The following CCDC60 variants were observed in gnomAD, a reference collection of about 807,000 sequenced individuals.
The protein encoded by CCDC60 is coiled-coil domain-containing protein 60.
CCDC60 carries 54 observed loss-of-function variants against 63.5 expected under a neutral mutation model. The observed-to-expected ratio is 0.85, with a 90% CI of 0.68 to 1.07. The LOEUF is 1.07. CCDC60 is among the 50% of genes least tolerant of loss of function. The probability of loss-of-function intolerance (pLI) is 0.00; values close to 1 mark genes in which losing one functional copy is unlikely to be tolerated. For synonymous variants in CCDC60, 206 were observed against 238.8 expected, an observed-to-expected ratio of 0.86 and a Z score of 1.27; for missense variants, 651 against 684.3, an observed-to-expected ratio of 0.95 and a Z score of 0.54.
intron 1 of CCDC60, among the ~76,000 whole-genome samples, chr12:119,426,072 A>G (rs540662485): frequency 6.6e-6 from 1 of 152,304 alleles, no homozygotes; most frequent in African/African-American, 2.4e-5. Context: ...TACATGCCTC[A>G]TCAGAGGGTG....
At chr12:119,400,961 A>C (rs1324148539) in intron 1 of CCDC60, among the ~76,000 whole-genome samples, 1 of 152,112 alleles carries the variant, frequency 6.6e-6, no homozygotes, top group Non-Finnish European at 1.5e-5. Context: ...TGGGCAATTC[A>C]CTCTGTGCAG....
intron 1 of CCDC60, among the ~76,000 whole-genome samples, chr12:119,371,508 A>G (rs1317088617): frequency 6.6e-6 from 1 of 152,194 alleles, no homozygotes; most frequent in Non-Finnish European, 1.5e-5. Flanking sequence ...AGAAAAAAAC[A>G]ACTACCCTTA....
chr12:119,344,440 C>T (rs566686333), intron 1 of CCDC60, among the ~76,000 whole-genome samples: 6 of 152,266 alleles, frequency 3.9e-5, no homozygotes, highest in African/African-American at 9.6e-5. Flanking sequence ...TTCATCACCC[C>T]GTATGTCCAA....
At chr12:119,452,896 C>T (rs4767819) in intron 2 of CCDC60, among the ~76,000 whole-genome samples, 21,294 of 152,040 alleles carry the variant, frequency 0.14, 1,630 homozygotes, top group East Asian at 0.3. Flanking sequence ...GATCTCGGCT[C>T]ACTGCCACCT....
chr12:119,401,955 C>T (rs1303579924), intron 1 of CCDC60, among the ~76,000 whole-genome samples: 1 of 152,184 alleles, frequency 6.6e-6, no homozygotes, highest in Non-Finnish European at 1.5e-5. Flanking sequence ...TTAATTGTAA[C>T]AATTACATTC....
chr12:119,528,998 T>C (rs993335991), intron 12 of CCDC60, among the ~76,000 whole-genome samples: 1 of 152,114 alleles, frequency 6.6e-6, no homozygotes, highest in Non-Finnish European at 1.5e-5. Flanking sequence ...TGCTGTTTGA[T>C]TCAGACTTGC....
At chr12:119,498,477 TGTGCGCCACCACACCTGGCTAA>T in intron 5 of CCDC60, among the ~76,000 whole-genome samples, 1 of 152,174 alleles carries the variant, frequency 6.6e-6, no homozygotes, top group South Asian at 2.1e-4. Context: ...GGATTACAGG[TGTGCGCCACCACACCTGGCTAA>T]ATTTTTTTTG....
In CCDC60 at chr12:119,335,154, C is replaced by A; in HGVS notation, c.-23C>A. 2 of 1,595,036 alleles carry A rather than the reference C, an allele frequency of 1.3e-6. No individual in the cohort carries two copies. The highest frequency in any genetic ancestry group is 1.7e-6 in the Non-Finnish European group (2 of 1,169,512). ...AAAATCCTTGTCTTGGGGGCACAGGCTAAAACCTGAAGGATTTTTAAGATG... is the reference window on the plus strand; with the variant it reads ...AAAATCCTTGTCTTGGGGGCACAGGATAAAACCTGAAGGATTTTTAAGATG... On this transcript the variant is annotated 5_prime_UTR_variant, in exon 1 of 14. Transcript: ENST00000327554.
At chr12:119,434,151 C>G (rs1306603031) in intron 2 of CCDC60, among the ~76,000 whole-genome samples, 1 of 152,232 alleles carries the variant, frequency 6.6e-6, no homozygotes, top group African/African-American at 2.4e-5. Context: ...CTACCCCCAG[C>G]AGGGTCCAGG....
chr12:119,430,199 C>T (rs144738955), intron 2 of CCDC60, among the ~76,000 whole-genome samples: 13 of 130,780 alleles, frequency 9.9e-5, no homozygotes, highest in South Asian at 2.6e-4. Context: ...CACACACACA[C>T]ACATACACAC....
At chr12:119,531,207 C>A in intron 13 of CCDC60, 144 bp downstream of exon 13, 1 of 699,058 alleles carries the variant, frequency 1.4e-6, no homozygotes, top group Non-Finnish European at 2.3e-6. Context: ...GGGATTGTCC[C>A]ATTACCTGGT....
chr12:119,354,912 T>C (rs977002406), intron 1 of CCDC60, among the ~76,000 whole-genome samples: 1 of 152,154 alleles, frequency 6.6e-6, no homozygotes, highest in African/African-American at 2.4e-5. Flanking sequence ...GTTCTGAAGA[T>C]GGGGCCTCAT....
In CCDC60 at chr12:119,409,988, G is replaced by A. The variant is rs1468458156; in HGVS notation, c.91-18695G>A. Among the ~76,000 whole-genome samples the A allele has an allele frequency of 3.3e-5, 5 of 151,966 alleles. 1 individual carries two copies. The highest frequency in any genetic ancestry group is 3.3e-4 in the Admixed American group (5 of 15,246). On this transcript the variant is annotated intron_variant, in intron 1 of 13. Transcript: ENST00000327554. The stretch of plus-strand genomic sequence containing the variant: ...TCCATGCATTAATGACAGCCTCTTA[G>A]CCACCACTCTTGTTCCCAGATTCAG...
chr12:119,375,352 T>A (rs1470240013), intron 1 of CCDC60, among the ~76,000 whole-genome samples: 1 of 152,204 alleles, frequency 6.6e-6, no homozygotes, highest in Non-Finnish European at 1.5e-5. Flanking sequence ...CTGTGGCCAA[T>A]TTCAAGCTAT....
intron 2 of CCDC60, among the ~76,000 whole-genome samples, chr12:119,446,669 A>G (rs1008374835): frequency 6.6e-6 from 1 of 150,930 alleles, no homozygotes; most frequent in African/African-American, 2.4e-5. Flanking sequence ...CAGAGTGTCT[A>G]CGATGGTTCA....
intron 2 of CCDC60, among the ~76,000 whole-genome samples, chr12:119,431,949 G>C (rs1188253860): frequency 1.3e-5 from 2 of 152,178 alleles, no homozygotes; most frequent in Non-Finnish European, 2.9e-5. Context: ...AAAGTGCTGG[G>C]ATTACAGGTG....
chr12:119,507,604 ATATATATATATTTTTT>A (rs1952079453), intron 7 of CCDC60, among the ~76,000 whole-genome samples: 7 of 25,190 alleles, frequency 2.8e-4, no homozygotes, highest in African/African-American at 1.4e-3. Context: ...ATATATATAT[ATATATATATATTTTTT>A]TTTTTTTTTT....
intron 1 of CCDC60, among the ~76,000 whole-genome samples, chr12:119,359,286 G>A (rs561528976): frequency 4.6e-5 from 7 of 152,026 alleles, no homozygotes; most frequent in East Asian, 1.9e-4. Flanking sequence ...TCATTTTTCC[G>A]TTGTTATACA....
At chr12:119,453,120 C>A (rs558853698) in intron 2 of CCDC60, among the ~76,000 whole-genome samples, 145 of 152,356 alleles carry the variant, frequency 9.5e-4, no homozygotes, top group Non-Finnish European at 1.9e-3. Flanking sequence ...AGCCACCATA[C>A]CCAGCCAGAA....
Sources: gnomAD v4.1 joint callset for allele counts (sites outside exome capture counted in the v4.1 genomes callset) on GRCh38, gnomAD v4.1.1 for gene constraint, MANE v1.5 for transcripts, NCBI Gene and HGNC (gene_info 2026-07-23, HGNC 2026-07-21) for gene names.